The following SMYD3 variants were observed in gnomAD, a reference collection of about 807,000 sequenced individuals.
SMYD3 encodes the protein histone-lysine N-methyltransferase SMYD3.
SMYD3 carries 36 observed loss-of-function variants against 57.7 expected under a neutral mutation model. The ratio of observed to expected loss-of-function variants is 0.62; its 90% CI spans 0.48 to 0.82. The LOEUF (loss-of-function observed/expected upper bound fraction) is 0.82. Ranked by LOEUF, SMYD3 falls within the 40% of genes least tolerant of loss-of-function variation. The pLI, the probability that SMYD3 is intolerant of heterozygous loss-of-function variation, is 0.00. For missense variants in SMYD3, 515 were observed against 538.8 expected, an observed-to-expected ratio of 0.96 and a Z score of 0.44; for synonymous variants, 211 against 195.0, an observed-to-expected ratio of 1.08 and a Z score of -0.68.
intron 5 of SMYD3, among the ~76,000 whole-genome samples, chr1:246,064,870 G>GC (rs1392173187): frequency 6.6e-6 from 1 of 152,244 alleles, no homozygotes; most frequent in African/African-American, 2.4e-5. Context: ...AAAGCTAACA[G>GC]CCAAATATGT....
chr1:246,084,195 C>CTTTTTTTTT (rs772938424), intron 5 of SMYD3, among the ~76,000 whole-genome samples: 29 of 135,464 alleles, frequency 2.1e-4, no homozygotes, highest in African/African-American at 6.9e-4. Context: ...CTGACAATTC[C>CTTTTTTTTT]TTTTTTTTTT....
chr1:246,257,184 C>T (rs2063910670), intron 5 of SMYD3, among the ~76,000 whole-genome samples: 1 of 152,092 alleles, frequency 6.6e-6, no homozygotes, highest in Non-Finnish European at 1.5e-5. Context: ...TCCAATTGGT[C>T]AAGTGTTTAC....
At chr1:245,750,858 A>G (rs1336182568) in intron 11 of SMYD3, among the ~76,000 whole-genome samples, 1 of 152,128 alleles carries the variant, frequency 6.6e-6, no homozygotes. Flanking sequence ...TGGAAGTGGC[A>G]CTGAGGCTCT....
intron 5 of SMYD3, among the ~76,000 whole-genome samples, chr1:246,187,633 A>G (rs535830230): frequency 6.6e-6 from 1 of 152,368 alleles, no homozygotes; most frequent in Non-Finnish European, 1.5e-5. Flanking sequence ...CTTAATTAAA[A>G]TATTTCTAGA....
At chr1:245,902,269 A>G (rs950815711) in intron 8 of SMYD3, among the ~76,000 whole-genome samples, 1 of 152,182 alleles carries the variant, frequency 6.6e-6, no homozygotes, top group Non-Finnish European at 1.5e-5. Flanking sequence ...TGACAAATGG[A>G]GCTGAAGCAC....
At chr1:246,266,536 T>C (rs2064111220) in intron 5 of SMYD3, among the ~76,000 whole-genome samples, 1 of 152,218 alleles carries the variant, frequency 6.6e-6, no homozygotes, top group Non-Finnish European at 1.5e-5. Context: ...TGAATAATTT[T>C]ATTAACGTGA....
intron 10 of SMYD3, among the ~76,000 whole-genome samples, chr1:245,781,136 T>C (rs1347236611): frequency 1.3e-5 from 2 of 152,190 alleles, no homozygotes; most frequent in Non-Finnish European, 2.9e-5. Flanking sequence ...ACTTTGGAGA[T>C]ACTAGAAATA....
intron 8 of SMYD3, among the ~76,000 whole-genome samples, chr1:245,913,349 C>A (rs192463537): frequency 6.9e-6 from 1 of 144,096 alleles, no homozygotes; most frequent in Non-Finnish European, 1.5e-5. Context: ...ACATCACACA[C>A]CGGGGCCTGT....
intron 5 of SMYD3, among the ~76,000 whole-genome samples, chr1:246,163,552 G>C (rs555685759): frequency 2.3e-4 from 35 of 152,318 alleles, no homozygotes; most frequent in African/African-American, 8.4e-4. Flanking sequence ...AGAGGCATCA[G>C]GGTCTGGTTG....
At chr1:245,821,950 G>A (rs1343621010) in intron 10 of SMYD3, among the ~76,000 whole-genome samples, 4 of 151,774 alleles carry the variant, frequency 2.6e-5, no homozygotes, top group African/African-American at 9.7e-5. Flanking sequence ...CTGTTGGTGG[G>A]ACTGTAAACT....
At chr1:246,312,113 C>T (rs949972368) in intron 5 of SMYD3, among the ~76,000 whole-genome samples, 1 of 152,116 alleles carries the variant, frequency 6.6e-6, no homozygotes, top group Non-Finnish European at 1.5e-5. Context: ...AAAATGGTTA[C>T]GACCCTCAAG....
At chr1:245,817,342 T>C (rs1414262882) in intron 10 of SMYD3, among the ~76,000 whole-genome samples, 1 of 146,040 alleles carries the variant, frequency 6.8e-6, no homozygotes, top group Non-Finnish European at 1.5e-5. Context: ...GGGTCCTGCC[T>C]GTTAGAAGGA....
At chr1:246,377,091 G>A (rs554108372) in intron 1 of SMYD3, among the ~76,000 whole-genome samples, 19 of 152,022 alleles carry the variant, frequency 1.2e-4, no homozygotes, top group Admixed American at 7.2e-4. Flanking sequence ...CAGAGGCTTT[G>A]TCTCAAAATA....
At chr1:246,115,614 AAGC>A (rs1215927501) in intron 5 of SMYD3, among the ~76,000 whole-genome samples, 1 of 152,202 alleles carries the variant, frequency 6.6e-6, no homozygotes, top group African/African-American at 2.4e-5. Flanking sequence ...TGCAGGGAAA[AAGC>A]AGCATGGTTT....
chr1:246,367,256 T>C (rs1179067795), intron 1 of SMYD3, among the ~76,000 whole-genome samples: 1 of 152,178 alleles, frequency 6.6e-6, no homozygotes, highest in East Asian at 1.9e-4. Context: ...AGTAAGTATA[T>C]TTGCTAGACA....
Position 246,202,026 on chromosome 1 carries a change from CAAAA to C in SMYD3, c.531+125171_531+125174del, listed in dbSNP as rs1191515943. 1.1e-4 allele frequency among the ~76,000 whole-genome samples: 16 copies of C among 146,464 alleles called. No homozygotes were observed. The East Asian group carries it at 3.0e-3, about 27-fold the overall frequency. On this transcript the variant is annotated intron_variant, in intron 5 of 11. Transcript: ENST00000490107. The surrounding 1 kb of genome is among the most constrained non-coding windows in gnomAD (Gnocchi z 4.1). ...TCTGTCTCAATTTAAAAAAAAAAAA[CAAAA>C]AAAAGCCATTTTTAAATGATTTATA...
intron 1 of SMYD3, among the ~76,000 whole-genome samples, chr1:246,367,868 C>A (rs1456839274): frequency 6.6e-6 from 1 of 151,924 alleles, no homozygotes; most frequent in Non-Finnish European, 1.5e-5. Context: ...TTATTTTTTA[C>A]CAAAATAAAT....
Position 245,985,771 on chromosome 1 carries a change from A to G in SMYD3, c.532-55834T>C, listed in dbSNP as rs549339869. On this transcript the variant is annotated intron_variant, in intron 5 of 11. Transcript: ENST00000490107. Reference sequence around the variant, plus strand: ...CTCTCTTACAATGGAAAACTTCTATATATTTTATTCCCTCTGCTTGGAAAA... The same window carrying G: ...CTCTCTTACAATGGAAAACTTCTATGTATTTTATTCCCTCTGCTTGGAAAA... 1.4e-4 allele frequency among the ~76,000 whole-genome samples: 22 copies of G among 152,304 alleles called. No homozygotes were observed. In the South Asian group the frequency reaches 4.4e-3, roughly 30 times the overall value.
intron 5 of SMYD3, among the ~76,000 whole-genome samples, chr1:246,093,251 CA>C (rs1415239828): frequency 1.3e-5 from 2 of 152,168 alleles, no homozygotes; most frequent in Non-Finnish European, 2.9e-5. Flanking sequence ...CGTGACCCAG[CA>C]ATCTCACAGG....
Sources: gnomAD v4.1 joint callset for allele counts (sites outside exome capture counted in the v4.1 genomes callset) on GRCh38, gnomAD v4.1.1 for gene constraint, Gnocchi (gnomAD v3.1) non-coding constraint, MANE v1.5 for transcripts, NCBI Gene and HGNC (gene_info 2026-07-23, HGNC 2026-07-21) for gene names.